Variants in VANGL2 observed in about 807,000 individuals in gnomAD.
VANGL2 encodes VANGL planar cell polarity protein 2.
VANGL2 carries 14 observed loss-of-function variants against 50.2 expected under a neutral mutation model. The observed-to-expected ratio is 0.28, with a 90% CI of 0.18 to 0.44. The LOEUF (loss-of-function observed/expected upper bound fraction) is 0.44, where lower values mean the gene tolerates loss of function less well. VANGL2 is among the 20% of genes least tolerant of loss of function. The probability of loss-of-function intolerance (pLI) is 1.00; values close to 1 mark genes in which losing one functional copy is unlikely to be tolerated. For missense variants in VANGL2, 533 were observed against 701.5 expected, an observed-to-expected ratio of 0.76 and a Z score of 2.71; for synonymous variants, 295 against 297.2, an observed-to-expected ratio of 0.99 and a Z score of 0.08.
At chr1:160,424,738 C>T (rs1651393215) in intron 7 of VANGL2, among the ~76,000 whole-genome samples, 1 of 152,136 alleles carries the variant, frequency 6.6e-6, no homozygotes, top group Non-Finnish European at 1.5e-5. Flanking sequence ...AACCTTGACA[C>T]CTTTGGCTCC....
chr1:160,413,587 C>T (rs1175561828), intron 1 of VANGL2, among the ~76,000 whole-genome samples: 1 of 152,124 alleles, frequency 6.6e-6, no homozygotes, highest in Non-Finnish European at 1.5e-5. Flanking sequence ...ATCAGCCTCT[C>T]AGCAGCATTT....
At chr1:160,415,613 C>G (rs976531590) in intron 1 of VANGL2, 35 bp from the exon 2 acceptor site, 8 of 585,564 alleles carry the variant, frequency 1.4e-5, no homozygotes, top group Admixed American at 1.2e-4. Context: ...ACAGGGAGCT[C>G]GAGCCGCCTC....
Position 160,418,996 on chromosome 1 carries a change from CT to C in VANGL2, c.193-5del, listed in dbSNP as rs1651159243. 2 of 1,602,960 alleles carry C rather than the reference CT, an allele frequency of 1.2e-6. No homozygotes were observed. The highest frequency in any genetic ancestry group is 3.4e-5 in the Admixed American group (2 of 59,598). ...TATTGTGTGGCTGGCCCCCTTCTGC[CT>C]GTAGGATGACAACTGGGGGGAAACG... On this transcript the variant is annotated splice_polypyrimidine_tract_variant and splice_region_variant and intron_variant, in intron 3 of 7. Transcript: ENST00000368061.
rs190721296 is a variant in VANGL2, at chr1:160,401,043, C to T, written c.-191+174C>T. On this transcript the variant is annotated intron_variant, in intron 1 of 7. Transcript: ENST00000368061. ...AGGGGGGCTGGACTCCGGGCAACCC[C>T]CTTCCGGTCCGCTTCCCCACTGCAC... Among the ~76,000 whole-genome samples the T allele has an allele frequency of 3.6e-3, 551 of 152,330 alleles. 1 individual carries two copies. The highest frequency in any genetic ancestry group is 0.012 in the African/African-American group (514 of 41,584).
intron 6 of VANGL2, 118 bp downstream of exon 6, chr1:160,421,305 G>A: frequency 7.2e-6 from 10 of 1,384,048 alleles, no homozygotes; most frequent in Non-Finnish European, 9.9e-6. Context: ...AGTTGGGGGT[G>A]TGTGCTTGTT....
rs752577335 is a variant in VANGL2, at chr1:160,424,276, C to T, written c.1298C>T (p.Thr433Met). 1.3e-5 allele frequency: 21 copies of T among 1,614,008 alleles called. No individual in the cohort carries two copies. Among genetic ancestry groups the T allele is most frequent in the African/African-American group, 4.0e-5 (3 of 74,936 alleles). The change falls in exon 7 of 8, where the codon ACG (threonine) becomes ATG (methionine). Residue 433 changes from threonine to methionine, a missense_variant. By Grantham distance (81) the Thr-to-Met change is moderately conservative. Transcript: ENST00000368061. The part of the protein sequence containing the change: ...HLEFCITHDM[T>M]PKAFLERYLA... The stretch of plus-strand genomic sequence containing the variant: ...GAATTCTGCATCACGCATGACATGA[C>T]GCCCAAGGTAGGCCTGCCCTGCTGC...
intron 1 of VANGL2, among the ~76,000 whole-genome samples, chr1:160,409,640 G>A (rs1350047726): frequency 1.3e-5 from 2 of 152,214 alleles, no homozygotes; most frequent in African/African-American, 4.8e-5. Flanking sequence ...AAACTCAGGG[G>A]AGGTGTGTGA....
rs1183256037 is a variant in VANGL2 at position 160,425,697 on chromosome 1, C to G, written c.*319C>G. 1 of 291,210 alleles carries G rather than the reference C, an allele frequency of 3.4e-6. No homozygotes were observed. The allele number at this position is 291,210 out of a possible 1,614,324, so 18.0% of individuals were successfully genotyped here. A position where few individuals can be genotyped will look rare whatever the true frequency, so the allele number is the denominator to read the frequency against. ...CTAGTCTTTTCCCAGATTACAGTCT[C>G]TCCTGAAAGGGCACAGGGCCCTGCT... On this transcript the variant is annotated 3_prime_UTR_variant, in exon 8 of 8. Transcript: ENST00000368061.
chr1:160,419,259 C>T lies in VANGL2; in HGVS notation c.450C>T (p.Ile150=). The change falls in exon 4 of 8, where the codon ATC becomes ATT. Residue 150 remains isoleucine (I), a synonymous_variant. Transcript: ENST00000368061. The surrounding 1 kb of genome is among the most constrained non-coding windows in gnomAD (Gnocchi z 5.8). ...PCGTACEGLF[I]SVAFKLLILL... is the part of the protein sequence containing the mutation. The stretch of plus-strand genomic sequence containing the variant: ...GGACGGCCTGCGAGGGCCTCTTCAT[C>T]TCTGTCGCCTTCAAGCTGCTCATCC... 1 of 1,608,016 alleles carries T rather than the reference C, an allele frequency of 6.2e-7. No individual in the cohort carries two copies. Among genetic ancestry groups the T allele is most frequent in the Non-Finnish European group, 8.5e-7 (1 of 1,180,006 alleles).
chr1:160,409,969 A>G (rs564459417), intron 1 of VANGL2, among the ~76,000 whole-genome samples: 4 of 152,182 alleles, frequency 2.6e-5, no homozygotes, highest in Admixed American at 2.6e-4. Flanking sequence ...CACGGGCTGC[A>G]GTGGGAAAGG....
At position 160,419,332 on chromosome 1, in the gene VANGL2, CT is replaced by C; in HGVS notation, c.524del (p.Leu175ArgfsTer152). The C allele has an allele frequency of 6.2e-7, 1 of 1,610,370 alleles. No homozygotes were observed. Among genetic ancestry groups the C allele is most frequent in the Non-Finnish European group, 8.5e-7 (1 of 1,180,018 alleles). On this transcript the variant is annotated frameshift_variant, in exon 4 of 8. Coordinates refer to ENST00000368061, the MANE Select transcript of VANGL2 (RefSeq NM_020335.3). LOFTEE classifies it high-confidence loss of function. The surrounding 1 kb of genome is among the most constrained non-coding windows in gnomAD (Gnocchi z 5.8). ...GTTCTTCCGCCGGCCCAAGGCCTCG[CT>C]GCCCCGCGTCTTTGTGCTGCGTGCC... ...ALFFRRPKAS[L>X]PRVFVLRALL...
At chr1:160,414,563 C>T (rs567116690) in intron 1 of VANGL2, among the ~76,000 whole-genome samples, 10 of 152,314 alleles carry the variant, frequency 6.6e-5, no homozygotes, top group African/African-American at 2.4e-4. Flanking sequence ...TGCCTGCAAT[C>T]GGTCGTTTAT....
rs766107030 is a variant in VANGL2 at position 160,425,223 on chromosome 1, G to A, written c.1411G>A (p.Gly471Ser). ...GGTGAGCGAGGAGCCGGTGACCAAC[G>A]GCCTCAAGGATGGCATCGTTTTCCT... is the stretch of plus-strand genomic sequence containing the variant. ...TLVSEEPVTNGLKDGIVFLLK... is the reference protein window; with the variant it reads ...TLVSEEPVTNSLKDGIVFLLK... The change falls in exon 8 of 8, where the codon GGC becomes AGC. Residue 471 changes from glycine (G) to serine (S), a missense_variant. Gly to Ser is a moderately conservative substitution (Grantham distance 56). Transcript: ENST00000368061. 25 of 1,614,000 alleles carry A rather than the reference G, an allele frequency of 1.5e-5. No homozygotes were observed. The highest frequency in any genetic ancestry group is 1.6e-4 in the Middle Eastern group (1 of 6,084).
chr1:160,402,099 G>A (rs533865781), intron 1 of VANGL2, among the ~76,000 whole-genome samples: 1 of 152,256 alleles, frequency 6.6e-6, no homozygotes, highest in East Asian at 1.9e-4. Flanking sequence ...GGGTGGGAGG[G>A]AATGAGTTGT....
chr1:160,410,675 T>TACACACACACAC (rs111892045), intron 1 of VANGL2, among the ~76,000 whole-genome samples: 33 of 143,366 alleles, frequency 2.3e-4, no homozygotes, highest in African/African-American at 7.8e-4. Flanking sequence ...ACCCCCCTTA[T>TACACACACACAC]ACACACACAC....
At chr1:160,404,931 T>C (rs1288144969) in intron 1 of VANGL2, among the ~76,000 whole-genome samples, 1 of 152,222 alleles carries the variant, frequency 6.6e-6, no homozygotes, top group Non-Finnish European at 1.5e-5. Flanking sequence ...GGATTTGGCC[T>C]CAGTTTCTCT....
intron 1 of VANGL2, among the ~76,000 whole-genome samples, chr1:160,405,696 T>C (rs1055942372): frequency 9.9e-5 from 15 of 152,018 alleles, no homozygotes; most frequent in African/African-American, 3.6e-4. Context: ...CCCCTGCCGC[T>C]CCACACACAG....
At chr1:160,421,233 A>G (rs1413843932) in intron 6 of VANGL2, 46 bp downstream of exon 6, 5 of 1,608,894 alleles carry the variant, frequency 3.1e-6, no homozygotes, top group Non-Finnish European at 4.2e-6. Context: ...TGTTGGGTGA[A>G]TGGGGAGAGG....
intron 1 of VANGL2, among the ~76,000 whole-genome samples, chr1:160,410,041 C>G (rs1337310157): frequency 6.6e-6 from 1 of 152,142 alleles, no homozygotes; most frequent in African/African-American, 2.4e-5. Flanking sequence ...CTTTAGTGGG[C>G]AGGGGCCCAC....
Sources: allele counts gnomAD v4.1 joint callset (sites outside exome capture counted in the v4.1 genomes callset), GRCh38; gene constraint gnomAD v4.1.1; non-coding constraint Gnocchi (gnomAD v3.1); transcripts MANE v1.5; gene names NCBI Gene and HGNC (gene_info 2026-07-23, HGNC 2026-07-21).